The following YIPF1 variants were observed in gnomAD, a reference collection of about 807,000 sequenced individuals.
YIPF1 encodes protein YIPF1.
Under a neutral mutation model 37.0 loss-of-function variants are expected in YIPF1, and 22 were observed. That is an observed-to-expected ratio of 0.59 (90% CI 0.42 to 0.85). The LOEUF is 0.85. Ranked by LOEUF, YIPF1 falls within the 40% of genes least tolerant of loss-of-function variation. The pLI is 0.00. For missense variants in YIPF1, 355 were observed against 373.1 expected (o/e 0.95, Z 0.40); for synonymous variants, 128 against 131.9 (o/e 0.97, Z 0.21).
intron 3 of YIPF1, among the ~76,000 whole-genome samples, chr1:53,886,939 C>G (rs1353997738): frequency 6.6e-6 from 1 of 151,948 alleles, no homozygotes; most frequent in Non-Finnish European, 1.5e-5. Context: ...TGTGAATGTA[C>G]TTGGTGCATA....
chr1:53,857,408 A>G (rs766224979), intron 10 of YIPF1, among the ~76,000 whole-genome samples: 1 of 152,198 alleles, frequency 6.6e-6, no homozygotes, highest in East Asian at 1.9e-4. Context: ...GACTGCTACT[A>G]AACACCTCTA....
intron 10 of YIPF1, among the ~76,000 whole-genome samples, chr1:53,856,232 A>G (rs1349368075): frequency 6.6e-6 from 1 of 152,222 alleles, no homozygotes; most frequent in African/African-American, 2.4e-5. Flanking sequence ...GAGGCGTCAA[A>G]TCTGTGTACA....
chr1:53,879,306 C>A (rs1384125228), intron 4 of YIPF1, among the ~76,000 whole-genome samples: 1 of 152,016 alleles, frequency 6.6e-6, no homozygotes, highest in Non-Finnish European at 1.5e-5. Flanking sequence ...TTTGCCCAGG[C>A]TGGTCTCAAA....
intron 4 of YIPF1, among the ~76,000 whole-genome samples, chr1:53,881,802 G>A (rs965494698): frequency 1.3e-5 from 2 of 152,116 alleles, no homozygotes; most frequent in African/African-American, 2.4e-5. Context: ...ACAGTGTGGC[G>A]ATTCCTCAAA....
At chr1:53,857,679 A>C (rs1455376505) in intron 10 of YIPF1, among the ~76,000 whole-genome samples, 1 of 152,124 alleles carries the variant, frequency 6.6e-6, no homozygotes, top group African/African-American at 2.4e-5. Context: ...ATGAGAGAAT[A>C]AACTAGGAAA....
chr1:53,864,919 C>A (rs534781662), intron 9 of YIPF1, among the ~76,000 whole-genome samples: 1 of 152,082 alleles, frequency 6.6e-6, no homozygotes, highest in Non-Finnish European at 1.5e-5. Flanking sequence ...AGGAAATATA[C>A]CCATGTCACA....
At chr1:53,884,565 T>C (rs909321536) in intron 3 of YIPF1, among the ~76,000 whole-genome samples, 33 of 152,216 alleles carry the variant, frequency 2.2e-4, no homozygotes, top group Admixed American at 1.3e-3. Flanking sequence ...AAGGTTTTCT[T>C]ACAAATACAA....
intron 7 of YIPF1, among the ~76,000 whole-genome samples, chr1:53,870,164 T>C (rs1353515300): frequency 4.2e-4 from 18 of 42,492 alleles, no homozygotes; most frequent in African/African-American, 1.7e-3. Context: ...GGGTCTCTTT[T>C]TTTTTTTTTT....
intron 10 of YIPF1, among the ~76,000 whole-genome samples, chr1:53,854,002 C>T (rs1391946350): frequency 1.3e-5 from 2 of 152,184 alleles, no homozygotes; most frequent in Admixed American, 6.5e-5. Flanking sequence ...GTAATCCCAG[C>T]ACTTTGGGAG....
intron 3 of YIPF1, among the ~76,000 whole-genome samples, chr1:53,885,115 A>G (rs1452961020): frequency 6.6e-6 from 1 of 152,172 alleles, no homozygotes; most frequent in Non-Finnish European, 1.5e-5. Context: ...TGAGCAAATT[A>G]CTCCATGGCT....
In YIPF1 at chr1:53,878,300, C is replaced by A; in HGVS notation, c.364+15G>T. 2 of 1,609,834 alleles carry A rather than the reference C, an allele frequency of 1.2e-6. No individual in the cohort carries two copies. The highest frequency in any genetic ancestry group is 2.2e-5 in the South Asian group (2 of 89,682). On this transcript the variant is annotated intron_variant, in intron 6 of 10. Transcript: ENST00000072644. ...TTCAACTGAAATACGGTAAACAAAT[C>A]AGTACTAAACATACCATAGAGATCT...
At chr1:53,884,530 G>C (rs916247887) in intron 3 of YIPF1, among the ~76,000 whole-genome samples, 1 of 152,180 alleles carries the variant, frequency 6.6e-6, no homozygotes, top group African/African-American at 2.4e-5. Context: ...GATCACTTAT[G>C]TGACTGCATA....
intron 2 of YIPF1, 117 bp from the exon 3 acceptor site, chr1:53,889,103 T>A: frequency 7.6e-6 from 4 of 526,534 alleles, no homozygotes. Flanking sequence ...TGGGGTTTAA[T>A]AGGTTTATAT....
In YIPF1 at chr1:53,883,145, A is replaced by G; in HGVS notation, c.163T>C (p.Leu55=). The G allele has an allele frequency of 2.5e-6, 4 of 1,590,402 alleles. No homozygotes were observed. The highest frequency in any genetic ancestry group is 3.4e-6 in the Non-Finnish European group (4 of 1,171,624). Residue 55 remains leucine (L), a synonymous_variant, in exon 4 of 11, where the codon TTA becomes CTA. Transcript: ENST00000072644. ...RGSGREEDDE[L]LGNDDSDKTE... ...TTGTCAGAGTCATCATTTCCCAGTAACTCATCATCTTCTTCTCTTCCTGAG... is the reference window on the plus strand; with the variant it reads ...TTGTCAGAGTCATCATTTCCCAGTAGCTCATCATCTTCTTCTCTTCCTGAG...
At chr1:53,868,839 T>C (rs547627384) in intron 7 of YIPF1, among the ~76,000 whole-genome samples, 11 of 152,262 alleles carry the variant, frequency 7.2e-5, no homozygotes, top group African/African-American at 2.6e-4. Flanking sequence ...AGTTTCCAGA[T>C]CCCCAGGCAA....
chr1:53,873,977 G>A (rs1050208430), intron 6 of YIPF1, among the ~76,000 whole-genome samples: 1 of 152,142 alleles, frequency 6.6e-6, no homozygotes, highest in Non-Finnish European at 1.5e-5. Flanking sequence ...AATATTTTCA[G>A]GTGGCCTGAA....
chr1:53,887,341 A>G (rs1650683461), intron 3 of YIPF1, among the ~76,000 whole-genome samples: 1 of 151,862 alleles, frequency 6.6e-6, no homozygotes, highest in African/African-American at 2.4e-5. Flanking sequence ...CGGCCTCCCA[A>G]AGTGCTGGGA....
intron 10 of YIPF1, among the ~76,000 whole-genome samples, chr1:53,854,503 A>T (rs1569590840): frequency 6.6e-6 from 1 of 152,156 alleles, no homozygotes; most frequent in South Asian, 2.1e-4. Context: ...GGGTGGCTGC[A>T]CTATCGCATG....
intron 10 of YIPF1, among the ~76,000 whole-genome samples, chr1:53,857,754 G>A (rs1649758439): frequency 6.6e-6 from 1 of 152,064 alleles, no homozygotes; most frequent in Non-Finnish European, 1.5e-5. Context: ...GGCCAAGGTG[G>A]GTGGCTCACA....
Sources: gnomAD v4.1 joint callset for allele counts (sites outside exome capture counted in the v4.1 genomes callset) on GRCh38, gnomAD v4.1.1 for gene constraint, MANE v1.5 for transcripts, NCBI Gene and HGNC (gene_info 2026-07-23, HGNC 2026-07-21) for gene names.